Variants in CD72 observed in about 807,000 individuals in gnomAD.
CD72 encodes the protein CD72 molecule, also known as B-cell differentiation antigen CD72.
A neutral mutation model predicts 50.7 loss-of-function variants in CD72; 28 were observed. The observed-to-expected ratio is 0.55, with a 90% confidence interval of 0.41 to 0.76. The LOEUF is 0.76. Among genes scored for constraint, CD72 ranks in the 30% least tolerant of loss-of-function variants. The pLI, the probability that CD72 is intolerant of heterozygous loss-of-function variation, is 0.00. For synonymous variants in CD72, 176 were observed against 171.2 expected (o/e 1.03, Z -0.22); for missense variants, 403 against 420.6 (o/e 0.96, Z 0.37).
At chr9:35,625,309 C>G (rs1365977169) in intron 1 of CD72, among the ~76,000 whole-genome samples, 1 of 152,198 alleles carries the variant, frequency 6.6e-6, no homozygotes, top group Non-Finnish European at 1.5e-5. Flanking sequence ...GATAGAAGAT[C>G]AAACCAGCTA....
At chr9:35,618,569 A>G, upstream of CD72, 1 of 768,454 alleles carries the variant, frequency 1.3e-6, no homozygotes, top group Non-Finnish European at 2.1e-6. Context: ...GGGGTAGGGG[A>G]TGGGCCTGTC....
chr9:35,623,909 G>A (rs941780886), upstream of CD72, among the ~76,000 whole-genome samples: 3 of 151,064 alleles, frequency 2.0e-5, no homozygotes, highest in African/African-American at 4.9e-5. Context: ...GCAAGACTCC[G>A]TCTCAGAAAA....
intron 1 of CD72, among the ~76,000 whole-genome samples, chr9:35,632,927 G>GTT (rs762196572): frequency 1.4e-4 from 18 of 129,638 alleles, no homozygotes; most frequent in Non-Finnish European, 2.2e-4. Context: ...ATCCTTTTTA[G>GTT]TTTTTTTTTT....
chr9:35,629,029 A>G (rs939669634), intron 1 of CD72, among the ~76,000 whole-genome samples: 2 of 151,714 alleles, frequency 1.3e-5, no homozygotes, highest in Non-Finnish European at 2.9e-5. Flanking sequence ...CATGCACCAC[A>G]ATGCCTGGCT....
chr9:35,628,510 A>C (rs1024317063), intron 1 of CD72, among the ~76,000 whole-genome samples: 1 of 152,236 alleles, frequency 6.6e-6, no homozygotes, highest in African/African-American at 2.4e-5. Context: ...AACACAAGAC[A>C]TAAGTGGATC....
upstream of CD72, among the ~76,000 whole-genome samples, chr9:35,623,479 G>GT (rs936810739): frequency 7.9e-5 from 12 of 151,218 alleles, no homozygotes; most frequent in African/African-American, 2.9e-4. Flanking sequence ...TTTTTGTTTT[G>GT]TTTTTTACTT....
In CD72 at chr9:35,616,663, G is replaced by A. The variant is rs1292138706; in HGVS notation, c.289C>T (p.Leu97=). 2 of 1,613,740 alleles carry A rather than the reference G, an allele frequency of 1.2e-6. No individual in the cohort carries two copies. ...PCRTTCLRYL[L]LGLLLTCLLL... ...AGGCAGGTGAGGAGCAGGCCGAGCA[G>A]GAGGTATCGCAGGCAGGTTGTGCGG... is the stretch of plus-strand genomic sequence containing the variant. Residue 97 remains leucine (L), a synonymous_variant, in exon 4 of 9, where the codon CTG becomes TTG. Transcript: ENST00000259633.
chr9:35,612,040 G>A, intron 6 of CD72, 121 bp from the exon 7 acceptor site: 1 of 619,384 alleles, frequency 1.6e-6, no homozygotes, highest in Non-Finnish European at 2.9e-6. Flanking sequence ...CAGCTCTTTG[G>A]TAACTTGTCC....
upstream of CD72, chr9:35,618,515 AGGGCCAGAG>A: frequency 8.1e-7 from 1 of 1,233,656 alleles, no homozygotes; most frequent in South Asian, 1.3e-5. Flanking sequence ...TCCCTGGGCC[AGGGCCAGAG>A]GGGCCACGGA....
chr9:35,645,790 G>T (rs1357626103), intron 1 of CD72, among the ~76,000 whole-genome samples: 2 of 152,076 alleles, frequency 1.3e-5, no homozygotes, highest in African/African-American at 4.8e-5. Context: ...ATCTTTGAGA[G>T]ACTACAGAGC....
intron 1 of CD72, among the ~76,000 whole-genome samples, chr9:35,636,592 G>A (rs1176403071): frequency 2.6e-5 from 4 of 152,320 alleles, no homozygotes; most frequent in African/African-American, 2.4e-5. Context: ...GCAGAGCAGG[G>A]CCAAAGATGG....
intron 1 of CD72, among the ~76,000 whole-genome samples, chr9:35,639,205 G>A (rs1823318134): frequency 6.6e-6 from 1 of 151,532 alleles, no homozygotes; most frequent in Admixed American, 6.6e-5. Context: ...TTTTCCCTTG[G>A]GTAATAAAAT....
At chr9:35,631,370 T>C (rs1460168760) in intron 1 of CD72, among the ~76,000 whole-genome samples, 1 of 152,244 alleles carries the variant, frequency 6.6e-6, no homozygotes, top group African/African-American at 2.4e-5. Context: ...ATAAGGATAA[T>C]AGCAGGCATT....
chr9:35,642,133 T>C (rs1271518590), intron 1 of CD72, among the ~76,000 whole-genome samples: 4 of 152,190 alleles, frequency 2.6e-5, no homozygotes, highest in African/African-American at 9.7e-5. Context: ...GGAACTTCCA[T>C]CAGTATACAA....
upstream of CD72, among the ~76,000 whole-genome samples, chr9:35,621,947 A>G (rs150711311): frequency 5.1e-3 from 778 of 152,334 alleles, 4 homozygotes; most frequent in African/African-American, 0.018. Flanking sequence ...TGATCTCCAC[A>G]ACTGTAAGAC....
rs1369906752 is a variant in CD72 at position 35,611,844 on chromosome 9, T to A, written c.910A>T (p.Asn304Tyr). The part of the protein sequence containing the change: ...GNSYWTGLSS[N>Y]KDWKLTDDTQ... ...TCATCAGTCAACTTCCAATCCTTGT[T>A]AGAGCTGAGGCCAGTCCAATATGAA... The change falls in exon 7 of 9, where the codon AAC (asparagine) becomes TAC (tyrosine). Residue 304 changes from asparagine to tyrosine, a missense_variant. By Grantham distance (143) the Asn-to-Tyr change is moderately radical. Transcript: ENST00000259633. The A allele has an allele frequency of 6.2e-7, 1 of 1,612,946 alleles. No homozygotes were observed. The highest frequency in any genetic ancestry group is 1.7e-5 in the Admixed American group (1 of 60,024).
intron 1 of CD72, among the ~76,000 whole-genome samples, chr9:35,639,636 T>C (rs1390830315): frequency 2.0e-5 from 3 of 152,188 alleles, no homozygotes; most frequent in Non-Finnish European, 4.4e-5. Flanking sequence ...AAAGAGGTCA[T>C]CTGTCCTCCT....
intron 7 of CD72, 59 bp downstream of exon 7, chr9:35,611,742 TACC>T: frequency 1.1e-6 from 1 of 888,788 alleles, no homozygotes; most frequent in Non-Finnish European, 1.9e-6. Flanking sequence ...GAAATCTGAT[TACC>T]ATGTCTTTAT....
intron 1 of CD72, among the ~76,000 whole-genome samples, chr9:35,641,752 T>C (rs955154693): frequency 6.6e-6 from 1 of 152,202 alleles, no homozygotes; most frequent in Non-Finnish European, 1.5e-5. Context: ...AATATCTGCT[T>C]GGCGGTTCCC....
Sources: gnomAD v4.1 joint callset for allele counts (sites outside exome capture counted in the v4.1 genomes callset) on GRCh38, gnomAD v4.1.1 for gene constraint, MANE v1.5 for transcripts, NCBI Gene and HGNC (gene_info 2026-07-23, HGNC 2026-07-21) for gene names.